The following OSBPL3 variants were observed in gnomAD, a reference collection of about 807,000 sequenced individuals.
OSBPL3 encodes the protein oxysterol binding protein like 3.
A neutral mutation model predicts 120.1 loss-of-function variants in OSBPL3; 65 were observed. The ratio of observed to expected loss-of-function variants is 0.54; its 90% CI spans 0.44 to 0.67. The LOEUF is 0.67. Ranked by LOEUF, OSBPL3 falls within the 30% of genes least tolerant of loss-of-function variation. The pLI is 0.00. For missense variants in OSBPL3, 1,004 were observed against 1,082.1 expected, an observed-to-expected ratio of 0.93 and a Z score of 1.01; for synonymous variants, 416 against 402.6, an observed-to-expected ratio of 1.03 and a Z score of -0.40.
At chr7:24,878,335 C>G (rs1043600131) in intron 2 of OSBPL3, among the ~76,000 whole-genome samples, 9 of 152,210 alleles carry the variant, frequency 5.9e-5, no homozygotes, top group African/African-American at 1.9e-4. Flanking sequence ...TTGCCTCTAT[C>G]AGGCATGGTT....
intron 13 of OSBPL3, among the ~76,000 whole-genome samples, chr7:24,841,744 G>A (rs1797798838): frequency 7.1e-6 from 1 of 140,614 alleles, no homozygotes; most frequent in African/African-American, 2.7e-5. Context: ...AGTGGCTCAC[G>A]CCTGTAATCC....
At position 24,809,894 on chromosome 7, in the gene OSBPL3, C is replaced by T. The variant is rs1793553555; in HGVS notation, c.2230G>A (p.Gly744Arg). 1.2e-6 allele frequency: 2 copies of T among 1,614,058 alleles called. No homozygotes were observed. The highest frequency in any genetic ancestry group is 8.5e-7 in the Non-Finnish European group (1 of 1,180,014). ...EIEGTVFDRS[G>R]KAVHRLFGKW... ...CCAAACAGCCGATGAACCGCTTTTC[C>T]ACTCCTGTCAAACACTGTGCCTTCA... is the stretch of plus-strand genomic sequence containing the variant. The change falls in exon 20 of 23, where the codon GGA (glycine) becomes AGA (arginine). Residue 744 changes from glycine (G) to arginine (R), a missense_variant. By Grantham distance (125) the Gly-to-Arg change is moderately radical. Transcript: ENST00000313367.
At chr7:24,920,115 C>T (rs1221041863) in intron 1 of OSBPL3, among the ~76,000 whole-genome samples, 3 of 152,030 alleles carry the variant, frequency 2.0e-5, no homozygotes, top group Non-Finnish European at 4.4e-5. Context: ...ATGGAGTTAC[C>T]ATGTGACCCA....
chr7:24,806,974 T>G lies in OSBPL3; in HGVS notation c.2318-72A>C. The stretch of plus-strand genomic sequence containing the variant: ...GTTACATTTTAATTCCTTCACCTTT[T>G]TCGTCTCAGCCTAGCTACAATTTTT... On this transcript the variant is annotated intron_variant, in intron 20 of 22. Coordinates refer to ENST00000313367, the MANE Select transcript of OSBPL3 (RefSeq NM_015550.4). The surrounding 1 kb of genome is among the most constrained non-coding windows in gnomAD (Gnocchi z 5.2). 1 of 1,401,296 alleles carries G rather than the reference T, an allele frequency of 7.1e-7. No individual in the cohort carries two copies. Among genetic ancestry groups the G allele is most frequent in the Non-Finnish European group, 9.7e-7 (1 of 1,032,718 alleles). The allele number at this position is 1,401,296 out of a possible 1,614,324, so 86.8% of individuals were successfully genotyped here. A position where few individuals can be genotyped will look rare whatever the true frequency, so the allele number is the denominator to read the frequency against.
chr7:24,829,010 G>A (rs1156859575), intron 16 of OSBPL3, among the ~76,000 whole-genome samples: 1 of 152,118 alleles, frequency 6.6e-6, no homozygotes, highest in African/African-American at 2.4e-5. Context: ...CTCCCCCACT[G>A]TGCCACCATG....
chr7:24,951,755 T>A (rs1344602747), intron 1 of OSBPL3, among the ~76,000 whole-genome samples: 1 of 152,142 alleles, frequency 6.6e-6, no homozygotes, highest in Middle Eastern at 3.2e-3. Flanking sequence ...GTATTAATGA[T>A]CCTCATAGCT....
intron 13 of OSBPL3, 91 bp from the exon 14 acceptor site, chr7:24,840,874 T>G (rs555850865): frequency 1.6e-6 from 1 of 642,218 alleles, no homozygotes; most frequent in Non-Finnish European, 2.7e-6. Flanking sequence ...TCAAACATGT[T>G]GAGTCTCACA....
chr7:24,978,869 T>A (rs1817874922), intron 1 of OSBPL3, among the ~76,000 whole-genome samples: 1 of 152,232 alleles, frequency 6.6e-6, no homozygotes, highest in Non-Finnish European at 1.5e-5. Context: ...CTGAGGAGAC[T>A]GGTGGCTTGT....
At chr7:24,837,360 C>T (rs879392201) in intron 14 of OSBPL3, among the ~76,000 whole-genome samples, 2 of 152,014 alleles carry the variant, frequency 1.3e-5, no homozygotes, top group African/African-American at 4.8e-5. Context: ...TGCTACACCA[C>T]GCCTGGCTAG....
intron 19 of OSBPL3, among the ~76,000 whole-genome samples, chr7:24,811,007 T>G (rs1340209502): frequency 6.6e-6 from 1 of 152,254 alleles, no homozygotes; most frequent in African/African-American, 2.4e-5. Flanking sequence ...AGGTATCTCT[T>G]TGACATACTG....
chr7:24,800,155 A>C lies in OSBPL3; in HGVS notation c.*28T>G. The C allele has an allele frequency of 2.3e-6, 3 of 1,281,382 alleles. No individual in the cohort carries two copies. Among genetic ancestry groups the C allele is most frequent in the Non-Finnish European group, 3.4e-6 (3 of 876,952 alleles). The allele number at this position is 1,281,382 out of a possible 1,614,324, so 79.4% of individuals were successfully genotyped here. A position where few individuals can be genotyped will look rare whatever the true frequency, so the allele number is the denominator to read the frequency against. ...CAGAAGGCAAGCACAGGAGAAATAC[A>C]CTAATGTTATCTTTCTTCTTTACTT... On this transcript the variant is annotated 3_prime_UTR_variant, in exon 23 of 23. Coordinates refer to ENST00000313367, the MANE Select transcript of OSBPL3 (RefSeq NM_015550.4).
At chr7:24,866,000 T>TCCCAAGA in intron 6 of OSBPL3, 70 bp downstream of exon 6, 1 of 1,302,376 alleles carries the variant, frequency 7.7e-7, no homozygotes, top group East Asian at 2.3e-5. Context: ...CGGACTCAGC[T>TCCCAAGA]CCCAAGACAG....
At chr7:24,977,107 A>G (rs1817670182) in intron 1 of OSBPL3, among the ~76,000 whole-genome samples, 1 of 152,242 alleles carries the variant, frequency 6.6e-6, no homozygotes, top group Non-Finnish European at 1.5e-5. Flanking sequence ...CTGGCTTTCC[A>G]GCGCTTTCTT....
intron 19 of OSBPL3, among the ~76,000 whole-genome samples, chr7:24,812,878 G>T (rs922261508): frequency 3.9e-5 from 6 of 152,076 alleles, no homozygotes; most frequent in African/African-American, 1.4e-4. Context: ...CTCTTAAGTT[G>T]ATTTATTTAT....
At chr7:24,869,367 A>C (rs920809678) in intron 5 of OSBPL3, among the ~76,000 whole-genome samples, 1 of 152,232 alleles carries the variant, frequency 6.6e-6, no homozygotes, top group Non-Finnish European at 1.5e-5. Flanking sequence ...GAAATAACCT[A>C]AACTATTCTA....
intron 12 of OSBPL3, among the ~76,000 whole-genome samples, chr7:24,846,061 C>T (rs1156713807): frequency 6.6e-6 from 1 of 152,110 alleles, no homozygotes; most frequent in Non-Finnish European, 1.5e-5. Flanking sequence ...ATAATCCACC[C>T]CTTTCCCATT....
chr7:24,888,780 G>A (rs1584512440), intron 2 of OSBPL3, among the ~76,000 whole-genome samples: 1 of 152,254 alleles, frequency 6.6e-6, no homozygotes, highest in Non-Finnish European at 1.5e-5. Flanking sequence ...GGAAGACCAG[G>A]TTCAAGTTTA....
rs1796331670 is a variant in OSBPL3, at chr7:24,831,268, A to G, written c.1747-363T>C. On this transcript the variant is annotated intron_variant, in intron 15 of 22. Transcript: ENST00000313367. This position sits in a 1 kb window ranked among gnomAD's most constrained non-coding sequence, Gnocchi z 4.0. ...GATCCTAATATGGTGCTAAGCCTTC[A>G]GGGGTGGAGTGGGGAAAGAGTATTA... Among the ~76,000 whole-genome samples the G allele has an allele frequency of 6.6e-6, 1 of 152,160 alleles. No individual in the cohort carries two copies. The highest frequency in any genetic ancestry group is 1.5e-5 in the Non-Finnish European group (1 of 68,014).
intron 2 of OSBPL3, among the ~76,000 whole-genome samples, chr7:24,878,330 T>C (rs1318376200): frequency 6.6e-6 from 1 of 152,222 alleles, no homozygotes; most frequent in Non-Finnish European, 1.5e-5. Flanking sequence ...TGTGGTTGCC[T>C]CTATCAGGCA....
Sources: allele counts gnomAD v4.1 joint callset (sites outside exome capture counted in the v4.1 genomes callset), GRCh38; gene constraint gnomAD v4.1.1; non-coding constraint Gnocchi (gnomAD v3.1); transcripts MANE v1.5; gene names NCBI Gene and HGNC (gene_info 2026-07-23, HGNC 2026-07-21).